The following MTHFSD variants were observed in gnomAD, a reference collection of about 807,000 sequenced individuals.
MTHFSD encodes the protein methenyltetrahydrofolate synthase domain-containing protein.
Under a neutral mutation model 31.1 loss-of-function variants are expected in MTHFSD, and 37 were observed. The observed-to-expected ratio is 1.19, with a 90% CI of 0.91 to 1.56. MTHFSD has a LOEUF of 1.56. Ranked by LOEUF, MTHFSD falls within the 40% of genes most tolerant of loss-of-function variation. MTHFSD has a pLI of 0.00. For synonymous variants in MTHFSD, 221 were observed against 206.9 expected (o/e 1.07, Z -0.59); for missense variants, 664 against 510.1 (o/e 1.30, Z -2.91).
At chr16:86,541,219 T>A in intron 7 of MTHFSD, 1 of 1,288,574 alleles carries the variant, frequency 7.8e-7, no homozygotes, top group South Asian at 1.2e-5. Flanking sequence ...AAACCACAAA[T>A]GCATAAAATG....
chr16:86,542,650 G>C lies in MTHFSD; in HGVS notation c.443-437C>G, dbSNP rs1971689000. ...CGCTGCTCTGAAGTCAGGAGTGTGT[G>C]AGGGCATGGCCTTGTTTCTTCAAAA... On this transcript the variant is annotated intron_variant, in intron 5 of 7. Transcript: ENST00000360900. This position sits in a 1 kb window ranked among gnomAD's most constrained non-coding sequence, Gnocchi z 4.6. 6.0e-6 allele frequency: 1 copy of C among 167,942 alleles called. No homozygotes were observed. The highest frequency in any genetic ancestry group is 2.4e-5 in the African/African-American group (1 of 41,660). 10.4% of individuals were successfully genotyped at this position (167,942 alleles called of 1,614,324 possible). A position where few individuals can be genotyped will look rare whatever the true frequency, so the allele number is the denominator to read the frequency against.
rs573878773 is a variant in MTHFSD at position 86,543,498 on chromosome 16, C to T, written c.443-1285G>A. Among the ~76,000 whole-genome samples the T allele has an allele frequency of 3.9e-5, 6 of 152,318 alleles. No individual in the cohort carries two copies. The East Asian group carries it at 5.8e-4, about 15-fold the overall frequency. ...AGCCAAATCTGGAAATAACTCATAA[C>T]GTATGCATCCATCGGCGGGGGTGGG... On this transcript the variant is annotated intron_variant, in intron 5 of 7. Transcript: ENST00000360900.
intron 2 of MTHFSD, among the ~76,000 whole-genome samples, chr16:86,554,353 C>T (rs758274313): frequency 8.5e-5 from 13 of 152,160 alleles, no homozygotes; most frequent in East Asian, 3.9e-4. Flanking sequence ...ACACTCACTG[C>T]GAGGCTTCAT....
At position 86,548,473 on chromosome 16, in the gene MTHFSD, G is replaced by T; in HGVS notation, c.342C>A (p.Ala114=). 1 of 1,613,032 alleles carries T rather than the reference G, an allele frequency of 6.2e-7. No individual in the cohort carries two copies. Among genetic ancestry groups the T allele is most frequent in the South Asian group, 1.1e-5 (1 of 90,918 alleles). The change falls in exon 4 of 8, where the codon GCC becomes GCA. Residue 114 remains alanine, a synonymous_variant. Transcript: ENST00000360900. The part of the protein sequence containing the change: ...GATKDILRKC[A]TSQGVRNYSV... ...TGCTTCTGGTACTTACCTGAGAGGTGGCACATTTTCTCAAGATGTCTTTAG... is the reference window on the plus strand; with the variant it reads ...TGCTTCTGGTACTTACCTGAGAGGTTGCACATTTTCTCAAGATGTCTTTAG...
intron 4 of MTHFSD, among the ~76,000 whole-genome samples, chr16:86,546,891 G>C (rs1381893463): frequency 6.6e-6 from 1 of 152,194 alleles, no homozygotes; most frequent in Non-Finnish European, 1.5e-5. Context: ...CAAATTCATA[G>C]GCTGCCAACT....
intron 5 of MTHFSD, among the ~76,000 whole-genome samples, chr16:86,546,026 C>T (rs1233586157): frequency 1.3e-5 from 2 of 152,228 alleles, no homozygotes; most frequent in Admixed American, 1.3e-4. Context: ...GCCTTGTGGA[C>T]CGAGAGCAGC....
chr16:86,555,008 G>C (rs563751918), intron 1 of MTHFSD, 161 bp downstream of exon 1: 1 of 1,407,478 alleles, frequency 7.1e-7, no homozygotes, highest in Admixed American at 2.9e-5. Flanking sequence ...AGAGCCGCTG[G>C]TTCGACCCGA....
chr16:86,546,438 A>T, intron 5 of MTHFSD, 121 bp downstream of exon 5: 1 of 841,670 alleles, frequency 1.2e-6, no homozygotes, highest in Non-Finnish European at 2.0e-6. Flanking sequence ...GGCTTCGGAG[A>T]CCAGGTAAGC....
intron 1 of MTHFSD, 131 bp downstream of exon 1, chr16:86,555,038 T>C: frequency 6.8e-7 from 1 of 1,464,334 alleles, no homozygotes; most frequent in Non-Finnish European, 9.0e-7. Context: ...AGACCCCCTC[T>C]GACCTCCTCG....
chr16:86,545,251 G>C (rs1972120584), intron 5 of MTHFSD, among the ~76,000 whole-genome samples: 1 of 152,064 alleles, frequency 6.6e-6, no homozygotes, highest in African/African-American at 2.4e-5. Context: ...ATGCTACTAT[G>C]TACAACGTCT....
In MTHFSD at chr16:86,546,649, C is replaced by T. The variant is rs895797098; in HGVS notation, c.352G>A (p.Gly118Ser). The T allele has an allele frequency of 2.5e-6, 4 of 1,612,656 alleles. No individual in the cohort carries two copies. The highest frequency in any genetic ancestry group is 3.4e-6 in the Non-Finnish European group (4 of 1,178,950). The part of the protein sequence containing the change: ...DILRKCATSQ[G>S]VRNYSVPIGL... ...ATGGGGACACTGTAGTTCCTCACAC[C>T]CTGCACACAGAGATACGGATTGGAA... The change falls in exon 5 of 8, where the codon GGT becomes AGT. Residue 118 changes from glycine to serine, a missense_variant and splice_region_variant. Gly to Ser is a moderately conservative substitution (Grantham distance 56). Transcript: ENST00000360900.
At chr16:86,538,619 A>G (rs1193354283) in intron 7 of MTHFSD, among the ~76,000 whole-genome samples, 1 of 152,214 alleles carries the variant, frequency 6.6e-6, no homozygotes, top group African/African-American at 2.4e-5. Context: ...AATGGCTCTC[A>G]GCCCACTACA....
At chr16:86,537,351 T>A (rs1482296924) in intron 7 of MTHFSD, among the ~76,000 whole-genome samples, 1 of 152,164 alleles carries the variant, frequency 6.6e-6, no homozygotes, top group Non-Finnish European at 1.5e-5. Flanking sequence ...TTATACCACA[T>A]GCACTTTCTC....
In MTHFSD at chr16:86,555,174, C is replaced by G; in HGVS notation, c.11G>C (p.Arg4Thr). 6.5e-7 allele frequency: 1 copy of G among 1,537,050 alleles called. No individual in the cohort carries two copies. The highest frequency in any genetic ancestry group is 1.7e-4 in the Middle Eastern group (1 of 5,942). The change falls in exon 1 of 8, where the codon AGG becomes ACG. Residue 4 changes from arginine to threonine, a missense_variant. Coordinates refer to ENST00000360900, the MANE Select transcript of MTHFSD (RefSeq NM_001159377.2). MEP[R>T]AVGVSKQDIR... Reference sequence around the variant, plus strand: ...AGCCCCGCCAGGCCCCCCACCTGCCCTCGGCTCCATGGTGATGCAGTCGCT... The same window carrying G: ...AGCCCCGCCAGGCCCCCCACCTGCCGTCGGCTCCATGGTGATGCAGTCGCT...
chr16:86,549,575 C>T (rs77893564), intron 3 of MTHFSD, among the ~76,000 whole-genome samples: 234 of 152,326 alleles, frequency 1.5e-3, no homozygotes, highest in African/African-American at 5.5e-3. Context: ...CTGTGCCCCA[C>T]ATATGGGGAT....
rs958738553 is a variant in MTHFSD at position 86,531,822 on chromosome 16, G to A, written c.*189C>T. 2.4e-5 allele frequency: 10 copies of A among 425,006 alleles called. No homozygotes were observed. Among genetic ancestry groups the A allele is most frequent in the African/African-American group, 4.1e-5 (2 of 48,696 alleles). 26.3% of individuals were successfully genotyped at this position (425,006 alleles called of 1,614,324 possible). ...CGCGCTGTGAGATGAACCGCAGGGC[G>A]GCTTCCCCACTCACAGGAGGGCCTG... On this transcript the variant is annotated 3_prime_UTR_variant, in exon 8 of 8. Transcript: ENST00000360900. This position sits in a 1 kb window ranked among gnomAD's most constrained non-coding sequence, Gnocchi z 5.5.
intron 7 of MTHFSD, among the ~76,000 whole-genome samples, chr16:86,535,052 G>A (rs944734709): frequency 1.3e-5 from 2 of 152,234 alleles, no homozygotes; most frequent in Non-Finnish European, 2.9e-5. Flanking sequence ...GAAACATGCC[G>A]TGGGAAAGAC....
In MTHFSD at chr16:86,531,912, A is replaced by G. The variant is rs1970025413; in HGVS notation, c.*99T>C. On this transcript the variant is annotated 3_prime_UTR_variant, in exon 8 of 8. Transcript: ENST00000360900. The surrounding 1 kb of genome is among the most constrained non-coding windows in gnomAD (Gnocchi z 5.5). The stretch of plus-strand genomic sequence containing the variant: ...CCGAGCAGCTCAGGCGGTGGCTCCG[A>G]CACGTCTTGCCACGCAGGCCTCTCG... 2 of 796,964 alleles carry G rather than the reference A, an allele frequency of 2.5e-6. No individual in the cohort carries two copies. The highest frequency in any genetic ancestry group is 6.4e-5 in the East Asian group (2 of 31,138). The allele number at this position is 796,964 out of a possible 1,614,324, so 49.4% of individuals were successfully genotyped here.
At chr16:86,549,063 G>A (rs1972751226) in intron 3 of MTHFSD, among the ~76,000 whole-genome samples, 1 of 152,240 alleles carries the variant, frequency 6.6e-6, no homozygotes, top group Non-Finnish European at 1.5e-5. Context: ...AAAGAGATCA[G>A]TAATCATGAT....
Sources: allele counts gnomAD v4.1 joint callset (sites outside exome capture counted in the v4.1 genomes callset), GRCh38; gene constraint gnomAD v4.1.1; non-coding constraint Gnocchi (gnomAD v3.1); transcripts MANE v1.5; gene names NCBI Gene and HGNC (gene_info 2026-07-23, HGNC 2026-07-21).